The following CRB1 variants were observed in gnomAD, a reference collection of about 807,000 sequenced individuals.
The protein encoded by CRB1 is crumbs cell polarity complex component 1, also known as protein crumbs homolog 1.
In CRB1, 83 loss-of-function variants were observed where a neutral mutation model predicts 120.0. The ratio of observed to expected loss-of-function variants is 0.69; its 90% confidence interval spans 0.58 to 0.83. The LOEUF is 0.83. Among genes scored for constraint, CRB1 ranks in the 40% least tolerant of loss-of-function variants. The pLI, the probability that CRB1 is intolerant of heterozygous loss-of-function variation, is 0.00. For synonymous variants in CRB1, 625 were observed against 612.5 expected (o/e 1.02, Z -0.30); for missense variants, 1,699 against 1,687.6 (o/e 1.01, Z -0.12).
chr1:197,270,906 A>G lies in CRB1; in HGVS notation c.70+2424A>G, dbSNP rs182830184. ...CTGCTTGGAACATAATAGCAAACAA[A>G]GAAATGTCCATTATCCAGGTATGGT... On this transcript the variant is annotated intron_variant, in intron 1 of 11. Transcript: ENST00000367400. Among the ~76,000 whole-genome samples the G allele has an allele frequency of 1.6e-4, 24 of 152,310 alleles. No individual in the cohort carries two copies. In the East Asian group the frequency reaches 2.7e-3, roughly 17 times the overall value.
At chr1:197,396,489 T>C (rs1662778809) in intron 5 of CRB1, among the ~76,000 whole-genome samples, 1 of 152,034 alleles carries the variant, frequency 6.6e-6, no homozygotes, top group Non-Finnish European at 1.5e-5. Flanking sequence ...AAAATTTGTA[T>C]GGAAAGCCAA....
At chr1:197,465,443 C>T (rs1285034716) in intron 11 of CRB1, among the ~76,000 whole-genome samples, 2 of 151,960 alleles carry the variant, frequency 1.3e-5, no homozygotes, top group South Asian at 2.1e-4. Flanking sequence ...TACCAAATGG[C>T]TTATGAAAGC....
At chr1:197,391,078 A>G (rs1360727606) in intron 5 of CRB1, among the ~76,000 whole-genome samples, 1 of 152,150 alleles carries the variant, frequency 6.6e-6, no homozygotes, top group Non-Finnish European at 1.5e-5. Flanking sequence ...GCCAATTGTA[A>G]TTAGAACAAG....
intron 11 of CRB1, among the ~76,000 whole-genome samples, chr1:197,472,181 C>A (rs1474030939): frequency 1.3e-5 from 2 of 152,150 alleles, no homozygotes; most frequent in African/African-American, 4.8e-5. Flanking sequence ...AACCTGTAAT[C>A]AATTGACACA....
At chr1:197,355,524 G>A (rs1406825244) in intron 4 of CRB1, among the ~76,000 whole-genome samples, 7 of 152,196 alleles carry the variant, frequency 4.6e-5, no homozygotes, top group African/African-American at 1.4e-4. Context: ...CGGGCTGCAG[G>A]TTCCGAGCCC....
At chr1:197,408,739 C>G (rs1663545135) in intron 5 of CRB1, among the ~76,000 whole-genome samples, 2 of 152,180 alleles carry the variant, frequency 1.3e-5, no homozygotes, top group Non-Finnish European at 2.9e-5. Context: ...AAGGACCAAG[C>G]AAGAGCAGAG....
At chr1:197,347,569 G>C (rs1659851263) in intron 4 of CRB1, 90 bp downstream of exon 4, 1 of 1,369,726 alleles carries the variant, frequency 7.3e-7, no homozygotes, top group Non-Finnish European at 1.0e-6. Flanking sequence ...AATTATTGTT[G>C]TTAAATGTTT....
intron 1 of CRB1, among the ~76,000 whole-genome samples, chr1:197,292,818 T>G (rs941265200): frequency 1.3e-5 from 2 of 152,158 alleles, no homozygotes; most frequent in Non-Finnish European, 2.9e-5. Flanking sequence ...ACCACTTGAT[T>G]ATCTCAATAG....
intron 4 of CRB1, among the ~76,000 whole-genome samples, chr1:197,353,980 AAAC>A (rs1432370318): frequency 1.3e-5 from 2 of 151,230 alleles, no homozygotes; most frequent in African/African-American, 4.8e-5. Context: ...TCAATATGGA[AAAC>A]AACCTAATGA....
At chr1:197,239,291 C>T in the CRB1 span, among the ~76,000 whole-genome samples, 1 of 151,988 alleles carries the variant, frequency 6.6e-6, no homozygotes, top group East Asian at 1.9e-4. Context: ...ATATTTGTAT[C>T]AAATTTTGAT....
the CRB1 span, among the ~76,000 whole-genome samples, chr1:197,201,683 C>T: frequency 4.6e-5 from 7 of 152,206 alleles, no homozygotes; most frequent in African/African-American, 1.7e-4. Flanking sequence ...GAATGGATTT[C>T]ATCCTCACTG....
chr1:197,354,251 T>C (rs183151916), intron 4 of CRB1, among the ~76,000 whole-genome samples: 41 of 152,312 alleles, frequency 2.7e-4, no homozygotes, highest in Admixed American at 2.4e-3. Flanking sequence ...AAATTAAAAA[T>C]GTACATTACT....
the CRB1 span, chr1:197,222,206 C>G: frequency 1.1e-5 from 5 of 466,622 alleles, 1 homozygote; most frequent in South Asian, 9.3e-5. Context: ...CTGCACTGCG[C>G]GGCCGCAGCG....
intron 1 of CRB1, among the ~76,000 whole-genome samples, chr1:197,315,020 T>C (rs1440114396): frequency 6.6e-6 from 1 of 152,136 alleles, no homozygotes; most frequent in Non-Finnish European, 1.5e-5. Context: ...CTCAGAAACA[T>C]TGCTGCTCAT....
chr1:197,405,004 A>G (rs1250951586), intron 5 of CRB1, among the ~76,000 whole-genome samples: 1 of 152,126 alleles, frequency 6.6e-6, no homozygotes, highest in East Asian at 1.9e-4. Flanking sequence ...CACCATACCT[A>G]CGCAATAGCA....
chr1:197,232,754 C>G, the CRB1 span, among the ~76,000 whole-genome samples: 1 of 152,104 alleles, frequency 6.6e-6, no homozygotes, highest in South Asian at 2.1e-4. Flanking sequence ...AATACTATCA[C>G]AGTAGGACTC....
intron 11 of CRB1, among the ~76,000 whole-genome samples, chr1:197,452,611 A>G (rs1666024962): frequency 6.6e-6 from 1 of 152,162 alleles, no homozygotes; most frequent in Non-Finnish European, 1.5e-5. Context: ...GGGAAATAAG[A>G]TTTAGAAGGG....
chr1:197,336,770 G>A (rs1571861699), intron 2 of CRB1, among the ~76,000 whole-genome samples: 1 of 152,166 alleles, frequency 6.6e-6, no homozygotes, highest in Non-Finnish European at 1.5e-5. Flanking sequence ...GATCAGGAAT[G>A]TAAACAACAA....
chr1:197,473,046 T>C (rs1382044254), intron 11 of CRB1, among the ~76,000 whole-genome samples: 1 of 152,190 alleles, frequency 6.6e-6, no homozygotes, highest in African/African-American at 2.4e-5. Flanking sequence ...GGGAAAATGG[T>C]ATATGAGCAG....
Sources: allele counts gnomAD v4.1 joint callset (sites outside exome capture counted in the v4.1 genomes callset), GRCh38; gene constraint gnomAD v4.1.1; transcripts MANE v1.5; gene names NCBI Gene and HGNC (gene_info 2026-07-23, HGNC 2026-07-21).